Variants in NEGR1 observed in about 807,000 individuals in gnomAD.
NEGR1 encodes neuronal growth regulator 1.
Under a neutral mutation model 40.9 loss-of-function variants are expected in NEGR1, and 10 were observed. The ratio of observed to expected loss-of-function variants is 0.24; its 90% CI spans 0.15 to 0.42. The LOEUF (loss-of-function observed/expected upper bound fraction) is 0.42, where lower values mean the gene tolerates loss of function less well. Ranked by LOEUF, NEGR1 falls within the 10% of genes least tolerant of loss-of-function variation. The probability of loss-of-function intolerance (pLI) is 1.00; values close to 1 mark genes in which losing one functional copy is unlikely to be tolerated. For missense variants in NEGR1, 352 were observed against 438.9 expected, an observed-to-expected ratio of 0.80 and a Z score of 1.77; for synonymous variants, 185 against 166.8, an observed-to-expected ratio of 1.11 and a Z score of -0.84.
At chr1:72,213,107 A>C (rs1653671402) in intron 1 of NEGR1, among the ~76,000 whole-genome samples, 1 of 151,996 alleles carries the variant, frequency 6.6e-6, no homozygotes, top group South Asian at 2.1e-4. Flanking sequence ...GAAAAAGAAT[A>C]AATATTGCAT....
intron 6 of NEGR1, among the ~76,000 whole-genome samples, chr1:71,532,636 C>T (rs78174581): frequency 0.014 from 2,197 of 151,670 alleles, 48 homozygotes; most frequent in African/African-American, 0.042. Context: ...ACATATTTAC[C>T]GCATATGCCC....
At chr1:71,937,977 C>G (rs1645923467) in intron 1 of NEGR1, among the ~76,000 whole-genome samples, 1 of 151,602 alleles carries the variant, frequency 6.6e-6, no homozygotes, top group African/African-American at 2.4e-5. Context: ...CATGGGCTGC[C>G]ACAGAAGAAT....
intron 1 of NEGR1, among the ~76,000 whole-genome samples, chr1:72,084,892 T>C (rs973459294): frequency 1.3e-5 from 2 of 152,166 alleles, no homozygotes; most frequent in African/African-American, 4.8e-5. Context: ...ATGCAGCACA[T>C]TGGAATGATG....
At chr1:71,628,775 T>C (rs960471422) in intron 4 of NEGR1, among the ~76,000 whole-genome samples, 2 of 152,174 alleles carry the variant, frequency 1.3e-5, no homozygotes, top group African/African-American at 2.4e-5. Flanking sequence ...TAGTATTCTA[T>C]GGTGTATATA....
At chr1:71,918,213 T>C (rs1661654294) in intron 2 of NEGR1, among the ~76,000 whole-genome samples, 1 of 35,652 alleles carries the variant, frequency 2.8e-5, no homozygotes, top group Non-Finnish European at 4.9e-5. Context: ...CGAGACTCTG[T>C]CTCAAAAAAA....
chr1:71,951,643 CA>C (rs1253644728), intron 1 of NEGR1, among the ~76,000 whole-genome samples: 1 of 151,710 alleles, frequency 6.6e-6, no homozygotes, highest in Non-Finnish European at 1.5e-5. Context: ...ACAGAATAAG[CA>C]AAATATTTAC....
intron 2 of NEGR1, among the ~76,000 whole-genome samples, chr1:71,856,666 A>G (rs1659776851): frequency 6.6e-6 from 1 of 152,006 alleles, no homozygotes; most frequent in Non-Finnish European, 1.5e-5. Flanking sequence ...CTACCCATCC[A>G]TTTATTCTTT....
At chr1:72,028,253 AT>A (rs1646828790) in intron 1 of NEGR1, among the ~76,000 whole-genome samples, 1 of 152,160 alleles carries the variant, frequency 6.6e-6, no homozygotes, top group Non-Finnish European at 1.5e-5. Flanking sequence ...CATAGTGGCC[AT>A]TACAACAGCT....
At chr1:71,949,073 C>A (rs1428025405) in intron 1 of NEGR1, among the ~76,000 whole-genome samples, 1 of 152,112 alleles carries the variant, frequency 6.6e-6, no homozygotes, top group Non-Finnish European at 1.5e-5. Context: ...CAGACTAACA[C>A]AGGATTGAAT....
intron 2 of NEGR1, among the ~76,000 whole-genome samples, chr1:71,784,344 G>T (rs990392314): frequency 1.1e-4 from 16 of 151,482 alleles, no homozygotes; most frequent in African/African-American, 3.6e-4. Flanking sequence ...AAGTAGAAAG[G>T]CTTTTTTTTT....
chr1:71,928,110 A>G lies in NEGR1; in HGVS notation c.409+6969T>C, dbSNP rs1389225904. 1.4e-3 allele frequency among the ~76,000 whole-genome samples: 134 copies of G among 95,410 alleles called. 18 individuals carry two copies. Among genetic ancestry groups the G allele is most frequent in the African/African-American group, 9.3e-3 (127 of 13,664 alleles). 62.6% of individuals were successfully genotyped at this position (95,410 alleles called of 152,430 possible). On this transcript the variant is annotated intron_variant, in intron 2 of 6. Transcript: ENST00000357731. ...TATATATACACACATATGTATATAT[A>G]CACATATGTATATATACACACATAT...
chr1:72,046,435 C>T (rs563825388), intron 1 of NEGR1, among the ~76,000 whole-genome samples: 1 of 151,510 alleles, frequency 6.6e-6, no homozygotes, highest in South Asian at 2.1e-4. Context: ...GACCTCTATT[C>T]AATTCAAAGA....
intron 2 of NEGR1, among the ~76,000 whole-genome samples, chr1:71,807,410 CA>C (rs1657817083): frequency 6.6e-6 from 1 of 151,816 alleles, no homozygotes; most frequent in Non-Finnish European, 1.5e-5. Flanking sequence ...TAAAAAATAA[CA>C]ATAAAACACC....
chr1:71,591,949 C>G (rs774400192), intron 6 of NEGR1, among the ~76,000 whole-genome samples: 5 of 151,910 alleles, frequency 3.3e-5, no homozygotes, highest in Non-Finnish European at 7.4e-5. Context: ...ATAACAAGAT[C>G]GTAAGACAAA....
At chr1:72,276,704 C>T (rs34020954) in intron 1 of NEGR1, among the ~76,000 whole-genome samples, 20,461 of 152,070 alleles carry the variant, frequency 0.13, 1,629 homozygotes, top group Non-Finnish European at 0.18. Flanking sequence ...CCAGTGCTGG[C>T]GAGCAACACT....
chr1:71,901,388 G>A (rs1055391258), intron 2 of NEGR1, among the ~76,000 whole-genome samples: 8 of 152,070 alleles, frequency 5.3e-5, no homozygotes, highest in East Asian at 1.9e-4. Context: ...ATCTTTCTTC[G>A]CTAGAATGTA....
At chr1:72,052,623 G>A (rs1426179337) in intron 1 of NEGR1, among the ~76,000 whole-genome samples, 1 of 151,458 alleles carries the variant, frequency 6.6e-6, no homozygotes, top group African/African-American at 2.4e-5. Context: ...TCAAGCAGGT[G>A]TCTTATCAAA....
chr1:71,953,102 T>G (rs1419956517), intron 1 of NEGR1, among the ~76,000 whole-genome samples: 2 of 151,918 alleles, frequency 1.3e-5, no homozygotes, highest in Non-Finnish European at 2.9e-5. Context: ...TAACATCCAT[T>G]CTGCAGCTCA....
intron 4 of NEGR1, among the ~76,000 whole-genome samples, chr1:71,691,570 T>C (rs904189976): frequency 1.3e-5 from 2 of 151,892 alleles, no homozygotes; most frequent in Admixed American, 1.3e-4. Context: ...TCTTTGTGAA[T>C]GTAAACTATA....
Sources: allele counts gnomAD v4.1 joint callset (sites outside exome capture counted in the v4.1 genomes callset), GRCh38; gene constraint gnomAD v4.1.1; transcripts MANE v1.5; gene names NCBI Gene and HGNC (gene_info 2026-07-23, HGNC 2026-07-21).